Variants in MME observed in about 807,000 individuals in gnomAD.
MME encodes membrane metalloendopeptidase.
Under a neutral mutation model 113.2 loss-of-function variants are expected in MME, and 98 were observed. The observed-to-expected ratio is 0.87, with a 90% CI of 0.74 to 1.02. The LOEUF is 1.02. Among genes scored for constraint, MME ranks in the 50% least tolerant of loss-of-function variants. MME has a pLI of 0.00. For synonymous variants in MME, 292 were observed against 300.6 expected (o/e 0.97, Z 0.30); for missense variants, 836 against 896.0 (o/e 0.93, Z 0.86).
chr3:155,069,269 C>T (rs1470747751), intron 1 of MME, among the ~76,000 whole-genome samples: 1 of 151,860 alleles, frequency 6.6e-6, no homozygotes, highest in Admixed American at 6.6e-5. Flanking sequence ...AAATGGAGGA[C>T]AAAGAGGAGG....
At chr3:155,141,880 A>G in intron 10 of MME, 111 bp from the exon 11 acceptor site, 1 of 1,150,106 alleles carries the variant, frequency 8.7e-7, no homozygotes, top group Non-Finnish European at 1.3e-6. Context: ...ACAATTGAGG[A>G]AGAATCCCAA....
At chr3:155,087,389 G>GT (rs1715858172) in intron 3 of MME, among the ~76,000 whole-genome samples, 2 of 151,956 alleles carry the variant, frequency 1.3e-5, no homozygotes. Flanking sequence ...GCTCGACATA[G>GT]TAAGTTTTTC....
chr3:155,133,066 T>A (rs1234412032), intron 8 of MME, among the ~76,000 whole-genome samples: 158 of 111,432 alleles, frequency 1.4e-3, no homozygotes, highest in African/African-American at 3.9e-3. Context: ...AAAAAAAATA[T>A]ATATATATAT....
intron 8 of MME, among the ~76,000 whole-genome samples, chr3:155,128,437 A>T (rs1445465932): frequency 6.6e-6 from 1 of 152,188 alleles, no homozygotes; most frequent in Non-Finnish European, 1.5e-5. Context: ...TTATTGCTTC[A>T]TGAACAAAAA....
intron 16 of MME, among the ~76,000 whole-genome samples, chr3:155,152,810 T>C (rs4680153): frequency 0.41 from 62,595 of 151,132 alleles, 13,878 homozygotes; most frequent in African/African-American, 0.58. Flanking sequence ...CACTGCACTC[T>C]AGCCTGAGCG....
intron 1 of MME, among the ~76,000 whole-genome samples, chr3:155,067,396 C>T (rs768001380): frequency 5.4e-5 from 8 of 147,550 alleles, no homozygotes; most frequent in Non-Finnish European, 1.2e-4. Flanking sequence ...CTGCAAACTC[C>T]ACCTCCCAGG....
chr3:155,107,590 A>C (rs1717798386), intron 3 of MME, among the ~76,000 whole-genome samples: 2 of 152,196 alleles, frequency 1.3e-5, no homozygotes, highest in African/African-American at 4.8e-5. Context: ...AAAGACCCAA[A>C]GAAAAGAGGA....
intron 3 of MME, 108 bp from the exon 4 acceptor site, chr3:155,114,886 A>G (rs1718468751): frequency 9.1e-7 from 1 of 1,096,164 alleles, no homozygotes; most frequent in Admixed American, 1.8e-5. Context: ...AAAACGGAGC[A>G]TCCGACAAAT....
At chr3:155,035,427 C>T (rs572961774) in intron 1 of MME, among the ~76,000 whole-genome samples, 1 of 151,896 alleles carries the variant, frequency 6.6e-6, no homozygotes, top group African/African-American at 2.4e-5. Context: ...CTATTATCAT[C>T]CATGTGATGA....
intron 8 of MME, among the ~76,000 whole-genome samples, chr3:155,134,305 A>G (rs181329468): frequency 6.4e-4 from 98 of 152,124 alleles, no homozygotes; most frequent in African/African-American, 2.3e-3. Context: ...TCCACCCTCT[A>G]TTAATCCTCA....
intron 3 of MME, among the ~76,000 whole-genome samples, chr3:155,097,687 C>T (rs1304692377): frequency 6.6e-6 from 1 of 152,106 alleles, no homozygotes; most frequent in African/African-American, 2.4e-5. Context: ...GGCTGAAATG[C>T]AAACATGTTT....
At chr3:155,084,389 CT>C in intron 2 of MME, 62 bp downstream of exon 2, 1 of 1,528,510 alleles carries the variant, frequency 6.5e-7, no homozygotes, top group African/African-American at 1.4e-5. Context: ...TTCCTCCATG[CT>C]TTTACCATCT....
chr3:155,053,348 A>G (rs1713822114), intron 1 of MME, among the ~76,000 whole-genome samples: 1 of 152,184 alleles, frequency 6.6e-6, no homozygotes. Flanking sequence ...GGTTTAATTG[A>G]CACAGTTCCA....
chr3:155,128,027 T>C lies in MME; in HGVS notation c.720+9216T>C, dbSNP rs376538309. ...TGCTGCCTTGCTCCTCTTCCATAACTATGTACTTTTGGTGACATCCTTCTT... is the reference window on the plus strand; with the variant it reads ...TGCTGCCTTGCTCCTCTTCCATAACCATGTACTTTTGGTGACATCCTTCTT... On this transcript the variant is annotated intron_variant, in intron 8 of 22. Transcript: ENST00000360490. Among the ~76,000 whole-genome samples the C allele has an allele frequency of 1.1e-4, 17 of 152,228 alleles. No individual in the cohort carries two copies. In the East Asian group the frequency reaches 1.5e-3, roughly 14 times the overall value.
At chr3:155,174,325 C>CGT (rs3839085) in intron 22 of MME, among the ~76,000 whole-genome samples, 7,564 of 110,166 alleles carry the variant, frequency 0.069, 283 homozygotes, top group East Asian at 0.096. Context: ...ACAACAGAAG[C>CGT]GTGTGTGTGT....
At chr3:155,141,273 C>T (rs574307608) in intron 10 of MME, among the ~76,000 whole-genome samples, 2 of 152,286 alleles carry the variant, frequency 1.3e-5, no homozygotes, top group East Asian at 1.9e-4. Context: ...ATGACCTAAA[C>T]CACCAAAGGA....
chr3:155,106,421 A>G (rs1271496488), intron 3 of MME, among the ~76,000 whole-genome samples: 2 of 152,196 alleles, frequency 1.3e-5, no homozygotes, highest in Admixed American at 6.5e-5. Context: ...TCATTTAAAA[A>G]TGGAGAGTGG....
rs573891317 is a variant in MME, at chr3:155,119,195, C to T, written c.720+384C>T. Among the ~76,000 whole-genome samples the T allele has an allele frequency of 5.9e-5, 9 of 152,290 alleles. No homozygotes were observed. In the East Asian group the frequency reaches 1.7e-3, roughly 29 times the overall value. The stretch of plus-strand genomic sequence containing the variant: ...GACCAGAGGGTCAGTGAGAGATACA[C>T]TCTGCAGCATCCTTCTGGAACCATC... On this transcript the variant is annotated intron_variant, in intron 8 of 22. Transcript: ENST00000360490.
At chr3:155,124,317 C>A (rs1178258215) in intron 8 of MME, among the ~76,000 whole-genome samples, 1 of 151,920 alleles carries the variant, frequency 6.6e-6, no homozygotes, top group Non-Finnish European at 1.5e-5. Flanking sequence ...GTTATACATT[C>A]TTCTAAATTT....
Sources: allele counts gnomAD v4.1 joint callset (sites outside exome capture counted in the v4.1 genomes callset), GRCh38; gene constraint gnomAD v4.1.1; transcripts MANE v1.5; gene names NCBI Gene and HGNC (gene_info 2026-07-23, HGNC 2026-07-21).